CPEB1: variants seen among roughly 807,000 people sequenced by gnomAD.
CPEB1 encodes the protein cytoplasmic polyadenylation element-binding protein 1.
A neutral mutation model predicts 65.8 loss-of-function variants in CPEB1; 7 were observed. The observed-to-expected ratio is 0.11, with a 90% CI of 0.06 to 0.20. The LOEUF (loss-of-function observed/expected upper bound fraction) is 0.20. CPEB1 is among the 10% of genes least tolerant of loss of function. The pLI is 1.00. For missense variants in CPEB1, 551 were observed against 712.2 expected, an observed-to-expected ratio of 0.77 and a Z score of 2.58; for synonymous variants, 262 against 260.0, an observed-to-expected ratio of 1.01 and a Z score of -0.08.
At chr15:82,587,691 T>C (rs1177495458) in intron 3 of CPEB1, among the ~76,000 whole-genome samples, 3 of 152,276 alleles carry the variant, frequency 2.0e-5, no homozygotes, top group East Asian at 3.9e-4. Flanking sequence ...TTTTAAGAAA[T>C]TAAAATCTAG....
At chr15:82,632,064 C>T (rs1490821688) in intron 1 of CPEB1, among the ~76,000 whole-genome samples, 3 of 143,800 alleles carry the variant, frequency 2.1e-5, no homozygotes, top group African/African-American at 5.2e-5. Flanking sequence ...TCACTGCAAG[C>T]TCCGCCTCCC....
At chr15:82,598,445 G>C (rs977667777) in intron 3 of CPEB1, among the ~76,000 whole-genome samples, 17 of 152,152 alleles carry the variant, frequency 1.1e-4, no homozygotes, top group African/African-American at 3.9e-4. Flanking sequence ...AGTGAGCTGA[G>C]ATTGCACCAC....
At chr15:82,612,680 C>T (rs1261018737) in intron 3 of CPEB1, among the ~76,000 whole-genome samples, 3 of 150,988 alleles carry the variant, frequency 2.0e-5, no homozygotes, top group African/African-American at 7.3e-5. Flanking sequence ...ATTAAAAATA[C>T]AAAAATTAGC....
chr15:82,564,114 C>A (rs186790194), intron 4 of CPEB1, among the ~76,000 whole-genome samples: 1 of 152,268 alleles, frequency 6.6e-6, no homozygotes, highest in South Asian at 2.1e-4. Flanking sequence ...CAATCTTTAC[C>A]ATCCTACTCC....
chr15:82,561,822 T>C (rs2038263924), intron 4 of CPEB1, among the ~76,000 whole-genome samples: 1 of 152,130 alleles, frequency 6.6e-6, no homozygotes, highest in Admixed American at 6.5e-5. Context: ...AATCTGGCAA[T>C]AAACCTAAGT....
chr15:82,643,390 G>A (rs2047253292), intron 1 of CPEB1, among the ~76,000 whole-genome samples: 1 of 152,304 alleles, frequency 6.6e-6, no homozygotes, highest in Middle Eastern at 3.4e-3. Flanking sequence ...CCAGCACTGT[G>A]GGAGGCTGAG....
chr15:82,647,973 C>T, upstream of CPEB1: 2 of 913,616 alleles, frequency 2.2e-6, no homozygotes, highest in Non-Finnish European at 2.9e-6. Flanking sequence ...CCGCGCGCAG[C>T]CCCGCACCCC....
intron 4 of CPEB1, among the ~76,000 whole-genome samples, chr15:82,565,404 T>G (rs761947402): frequency 6.6e-6 from 1 of 152,202 alleles, no homozygotes; most frequent in African/African-American, 2.4e-5. Context: ...GTAAGGTTGC[T>G]GAGTACGCAG....
Position 82,549,396 on chromosome 15 carries a change from A to T in CPEB1, c.1480+64T>A, listed in dbSNP as rs2035850501. The T allele has an allele frequency of 2.6e-6, 4 of 1,556,712 alleles. No individual in the cohort carries two copies. In the Admixed American group the frequency reaches 6.8e-5, roughly 26 times the overall value. ...TCTCTCCTCACTCCCATGGGGAAGT[A>T]TCACAATCTTGGTCTACTCCCAGGG... is the stretch of plus-strand genomic sequence containing the variant. On this transcript the variant is annotated intron_variant, in intron 10 of 12. Coordinates refer to ENST00000684509, the MANE Select transcript of CPEB1 (RefSeq NM_001365242.1).
intron 9 of CPEB1, among the ~76,000 whole-genome samples, chr15:82,550,912 C>T (rs2036130284): frequency 1.3e-5 from 1 of 78,328 alleles, no homozygotes; most frequent in African/African-American, 9.5e-5. Flanking sequence ...GATTAAATCC[C>T]TGTAAGGTGA....
rs1391351281 is a variant in CPEB1 at position 82,544,273 on chromosome 15, T to C, written c.*319A>G. ...ACCTCAATACCTTCTGGACACGTAGTTTTTTTTTTTTTTTTTTTTTTCCCC... is the reference window on the plus strand; with the variant it reads ...ACCTCAATACCTTCTGGACACGTAGCTTTTTTTTTTTTTTTTTTTTTCCCC... On this transcript the variant is annotated 3_prime_UTR_variant, in exon 13 of 13. Coordinates refer to ENST00000684509, the MANE Select transcript of CPEB1 (RefSeq NM_001365242.1). 1.1e-4 allele frequency: 3 copies of C among 26,246 alleles called. No homozygotes were observed. The highest frequency in any genetic ancestry group is 1.2e-3 in the East Asian group (2 of 1,654). The allele number at this position is 26,246 out of a possible 1,614,324, so 1.6% of individuals were successfully genotyped here.
chr15:82,564,908 A>G (rs1052948499), intron 4 of CPEB1, among the ~76,000 whole-genome samples: 3 of 151,994 alleles, frequency 2.0e-5, no homozygotes, highest in African/African-American at 7.3e-5. Context: ...GTCTCACTGA[A>G]TTATATACCA....
Position 82,628,491 on chromosome 15 carries a change from C to T in CPEB1, c.-32G>A, listed in dbSNP as rs183960960. On this transcript the variant is annotated 5_prime_UTR_variant, in exon 2 of 13. Coordinates refer to ENST00000684509, the MANE Select transcript of CPEB1 (RefSeq NM_001365242.1). ...ATTAGATGATCTGGCAAAAGGGTTC[C>T]GATTATTCAAGGCTGCTTTTGACTT... is the stretch of plus-strand genomic sequence containing the variant. 100 of 702,028 alleles carry T rather than the reference C, an allele frequency of 1.4e-4. No individual in the cohort carries two copies. Among genetic ancestry groups the T allele is most frequent in the African/African-American group, 9.6e-4 (55 of 57,330 alleles). The allele number at this position is 702,028 out of a possible 1,614,324, so 43.5% of individuals were successfully genotyped here. A position where few individuals can be genotyped will look rare whatever the true frequency, so the allele number is the denominator to read the frequency against.
intron 3 of CPEB1, among the ~76,000 whole-genome samples, chr15:82,606,980 A>T (rs537089503): frequency 6.6e-6 from 1 of 152,210 alleles, no homozygotes; most frequent in African/African-American, 2.4e-5. Context: ...AAAAAAAACA[A>T]GAAACATATA....
chr15:82,644,874 G>T (rs950422326), intron 1 of CPEB1, among the ~76,000 whole-genome samples: 3 of 152,218 alleles, frequency 2.0e-5, no homozygotes, highest in Non-Finnish European at 4.4e-5. Context: ...GTTAAGTTTG[G>T]TGCTGAGCCT....
At chr15:82,574,246 C>A (rs193224338) in intron 3 of CPEB1, among the ~76,000 whole-genome samples, 28 of 152,304 alleles carry the variant, frequency 1.8e-4, no homozygotes, top group African/African-American at 6.7e-4. Context: ...CTAGCTCCAA[C>A]TCAATGCAGG....
At chr15:82,642,662 T>G (rs892661869) in intron 1 of CPEB1, among the ~76,000 whole-genome samples, 1 of 152,202 alleles carries the variant, frequency 6.6e-6, no homozygotes, top group African/African-American at 2.4e-5. Flanking sequence ...TAACCCCCTC[T>G]ACCATAACTT....
In CPEB1 at chr15:82,635,170, C is replaced by G. The variant is rs117110792; in HGVS notation, c.-97-6614G>C. On this transcript the variant is annotated intron_variant, in intron 1 of 12. Coordinates refer to ENST00000684509, the MANE Select transcript of CPEB1 (RefSeq NM_001365242.1). Reference sequence around the variant, plus strand: ...TGCCTGGCCTGCCTTTAGTTTTATACCAATAATAAAGCTAAACAAAATTTC... The same window carrying G: ...TGCCTGGCCTGCCTTTAGTTTTATAGCAATAATAAAGCTAAACAAAATTTC... Among the ~76,000 whole-genome samples the G allele has an allele frequency of 3.3e-5, 5 of 152,222 alleles. No homozygotes were observed. The East Asian group carries it at 9.7e-4, about 29-fold the overall frequency.
At position 82,557,164 on chromosome 15, in the gene CPEB1, A is replaced by G. The variant is rs1229689141; in HGVS notation, c.687+596T>C. Among the ~76,000 whole-genome samples the G allele has an allele frequency of 3.3e-5, 5 of 152,202 alleles. No individual in the cohort carries two copies. In the East Asian group the frequency reaches 5.8e-4, roughly 18 times the overall value. Reference sequence around the variant, plus strand: ...AATTCATTTGCCAACTCCACTTAGCATGAAGACCACACGCATCATACATGG... The same window carrying G: ...AATTCATTTGCCAACTCCACTTAGCGTGAAGACCACACGCATCATACATGG... On this transcript the variant is annotated intron_variant, in intron 5 of 12. Coordinates refer to ENST00000684509, the MANE Select transcript of CPEB1 (RefSeq NM_001365242.1).
Sources: allele counts gnomAD v4.1 joint callset (sites outside exome capture counted in the v4.1 genomes callset), GRCh38; gene constraint gnomAD v4.1.1; transcripts MANE v1.5; gene names NCBI Gene and HGNC (gene_info 2026-07-23, HGNC 2026-07-21).